The following ADAMTS17 variants were observed in gnomAD, a reference collection of about 807,000 sequenced individuals.
ADAMTS17 encodes ADAM metallopeptidase with thrombospondin type 1 motif 17.
A neutral mutation model predicts 141.5 loss-of-function variants in ADAMTS17; 113 were observed. The observed-to-expected ratio is 0.80, with a 90% confidence interval of 0.69 to 0.93. ADAMTS17 has a LOEUF of 0.93. Among genes scored for constraint, ADAMTS17 ranks in the 40% least tolerant of loss-of-function variants. ADAMTS17 has a pLI of 0.00. For synonymous variants in ADAMTS17, 768 were observed against 630.6 expected (o/e 1.22, Z -3.27); for missense variants, 1,659 against 1,517.9 (o/e 1.09, Z -1.54).
intron 13 of ADAMTS17, among the ~76,000 whole-genome samples, chr15:100,112,845 C>T (rs960122351): frequency 2.0e-5 from 3 of 152,076 alleles, no homozygotes; most frequent in African/African-American, 7.2e-5. Flanking sequence ...AAGATGGGCT[C>T]AGAAGCTTGG....
intron 7 of ADAMTS17, among the ~76,000 whole-genome samples, chr15:100,244,622 C>T (rs1412749966): frequency 6.6e-6 from 1 of 152,006 alleles, no homozygotes; most frequent in Non-Finnish European, 1.5e-5. Flanking sequence ...TGGTGATGGG[C>T]TCAGCCTTCA....
intron 12 of ADAMTS17, chr15:100,129,061 G>C (rs1388297308): frequency 4.6e-5 from 7 of 152,218 alleles, no homozygotes; most frequent in Admixed American, 3.9e-4. Context: ...CCCTCGCCTA[G>C]AGACAACTTA....
At chr15:100,198,666 G>C (rs777479952) in intron 8 of ADAMTS17, among the ~76,000 whole-genome samples, 1 of 152,180 alleles carries the variant, frequency 6.6e-6, no homozygotes, top group Non-Finnish European at 1.5e-5. Flanking sequence ...CAGTTTGAGC[G>C]TCGTCTGGCT....
At chr15:100,339,921 G>C in intron 2 of ADAMTS17, among the ~76,000 whole-genome samples, 1 of 152,212 alleles carries the variant, frequency 6.6e-6, no homozygotes, top group Admixed American at 6.5e-5. Flanking sequence ...TTCTAGCTTC[G>C]TAGATTCTCG....
intron 18 of ADAMTS17, among the ~76,000 whole-genome samples, chr15:100,036,143 T>G (rs998883956): frequency 7.9e-5 from 12 of 152,118 alleles, no homozygotes; most frequent in Non-Finnish European, 1.8e-4. Context: ...GTCAGAGTCT[T>G]TGGGAATGGC....
At chr15:100,126,011 T>A (rs963136643) in intron 12 of ADAMTS17, 3 of 152,212 alleles carry the variant, frequency 2.0e-5, no homozygotes, top group African/African-American at 7.2e-5. Context: ...TTGTGAAATC[T>A]CTAGGCAGCA....
chr15:100,128,992 C>A (rs2037892965), intron 12 of ADAMTS17: 1 of 152,230 alleles, frequency 6.6e-6, no homozygotes, highest in African/African-American at 2.4e-5. Flanking sequence ...CAGTTCCCTT[C>A]AAAGAGGCAC....
chr15:100,254,268 C>T lies in ADAMTS17; in HGVS notation c.1032-89G>A. ...CTGTGAATTAACCTCAAGTAGTCAT[C>T]CTGCAATGTTATTTTTCCAGTGGAC... On this transcript the variant is annotated intron_variant, in intron 6 of 21. Coordinates refer to ENST00000268070, the MANE Select transcript of ADAMTS17 (RefSeq NM_139057.4). 5 of 1,229,256 alleles carry T rather than the reference C, an allele frequency of 4.1e-6. No individual in the cohort carries two copies. In the South Asian group the frequency reaches 6.2e-5, roughly 15 times the overall value. 76.1% of individuals were successfully genotyped at this position (1,229,256 alleles called of 1,614,324 possible).
intron 18 of ADAMTS17, among the ~76,000 whole-genome samples, chr15:100,022,105 C>T (rs1398038141): frequency 3.9e-5 from 6 of 152,174 alleles, no homozygotes; most frequent in African/African-American, 1.4e-4. Context: ...CTTCCCCGGG[C>T]TCAGTTTTTC....
chr15:100,197,325 C>T (rs1048977860), intron 8 of ADAMTS17, among the ~76,000 whole-genome samples: 1 of 152,294 alleles, frequency 6.6e-6, no homozygotes, highest in South Asian at 2.1e-4. Context: ...TATTCAAAGG[C>T]CCATAGCAAC....
rs148778139 is a variant in ADAMTS17, at chr15:100,138,584, A to G, written c.1474-5269T>C. On this transcript the variant is annotated intron_variant, in intron 10 of 21. Transcript: ENST00000268070. The stretch of plus-strand genomic sequence containing the variant: ...GACCTGAAGAAATTATCCAGAATGC[A>G]GCCTGCAGAGGAAAGGCGGTGGGGA... Among the ~76,000 whole-genome samples, 462 of 152,344 alleles carry G rather than the reference A, an allele frequency of 3.0e-3. 4 individuals are homozygous for G. Among genetic ancestry groups the G allele is most frequent in the Middle Eastern group, 0.02 (6 of 294 alleles).
At chr15:100,238,994 G>C (rs2042744668) in intron 7 of ADAMTS17, among the ~76,000 whole-genome samples, 1 of 152,224 alleles carries the variant, frequency 6.6e-6, no homozygotes, top group Admixed American at 6.5e-5. Context: ...GGGAGACTGA[G>C]ATGGGAGAAT....
intron 8 of ADAMTS17, among the ~76,000 whole-genome samples, chr15:100,175,483 C>T (rs927113166): frequency 1.8e-4 from 28 of 152,106 alleles, no homozygotes; most frequent in African/African-American, 6.5e-4. Flanking sequence ...TCAAGAGAAT[C>T]CTAATTCTTT....
chr15:100,265,716 G>C (rs1007219905), intron 4 of ADAMTS17, among the ~76,000 whole-genome samples: 2 of 152,168 alleles, frequency 1.3e-5, no homozygotes, highest in Non-Finnish European at 2.9e-5. Context: ...GCCACACAGG[G>C]ACCTGTGGGT....
rs528782341 is a variant in ADAMTS17 at position 100,008,545 on chromosome 15, G to C, written c.2592-10956C>G. Among the ~76,000 whole-genome samples, 31 of 152,352 alleles carry C rather than the reference G, an allele frequency of 2.0e-4. 1 individual carries two copies. The highest frequency in any genetic ancestry group is 3.4e-3 in the Middle Eastern group (1 of 294). ...GCCCAGGAGGACACCTGAGGGGAAG[G>C]CTTGGCCTTGGCCAGCGCTGGACTG... is the stretch of plus-strand genomic sequence containing the variant. On this transcript the variant is annotated intron_variant, in intron 18 of 21. Transcript: ENST00000268070.
chr15:100,269,301 C>A (rs538338615), intron 4 of ADAMTS17, among the ~76,000 whole-genome samples: 2 of 152,306 alleles, frequency 1.3e-5, no homozygotes, highest in African/African-American at 4.8e-5. Flanking sequence ...TAAAGAGCTT[C>A]TGTACAGCAA....
intron 7 of ADAMTS17, among the ~76,000 whole-genome samples, chr15:100,206,075 T>C (rs2041543085): frequency 6.6e-6 from 1 of 152,136 alleles, no homozygotes; most frequent in Non-Finnish European, 1.5e-5. Context: ...TCGGCAAACT[T>C]TCCCAGACCA....
intron 15 of ADAMTS17, among the ~76,000 whole-genome samples, chr15:100,086,698 C>T (rs140399393): frequency 0.061 from 9,097 of 150,040 alleles, 310 homozygotes; most frequent in Middle Eastern, 0.089. Flanking sequence ...CACTCAAAAC[C>T]GCTCAACTAC....
At chr15:100,091,028 AG>A (rs1555446594) in intron 15 of ADAMTS17, among the ~76,000 whole-genome samples, 1 of 143,638 alleles carries the variant, frequency 7.0e-6, no homozygotes. Flanking sequence ...AAAAAAAAAA[AG>A]GGTAACCAAT....
Sources: allele counts gnomAD v4.1 joint callset (sites outside exome capture counted in the v4.1 genomes callset), GRCh38; gene constraint gnomAD v4.1.1; transcripts MANE v1.5; gene names NCBI Gene and HGNC (gene_info 2026-07-23, HGNC 2026-07-21).